Variants in SLC24A3 observed in about 807,000 individuals in gnomAD.
SLC24A3 encodes sodium/potassium/calcium exchanger 3.
Under a neutral mutation model 75.8 loss-of-function variants are expected in SLC24A3, and 28 were observed. The observed-to-expected ratio is 0.37, with a 90% CI of 0.27 to 0.51. The LOEUF is 0.51. SLC24A3 is among the 20% of genes least tolerant of loss of function. The pLI, the probability that SLC24A3 is intolerant of heterozygous loss-of-function variation, is 0.94. For synonymous variants in SLC24A3, 372 were observed against 334.1 expected, an observed-to-expected ratio of 1.11 and a Z score of -1.24; for missense variants, 663 against 847.8, an observed-to-expected ratio of 0.78 and a Z score of 2.71.
intron 2 of SLC24A3, among the ~76,000 whole-genome samples, chr20:19,489,452 G>C (rs1422245615): frequency 6.6e-6 from 1 of 152,138 alleles, no homozygotes; most frequent in Admixed American, 6.5e-5. Context: ...ATTTGAAGTA[G>C]GCTTTGTTTA....
At chr20:19,224,123 T>A (rs6081540) in intron 1 of SLC24A3, among the ~76,000 whole-genome samples, 2 of 22,372 alleles carry the variant, frequency 8.9e-5, no homozygotes, top group Non-Finnish European at 2.4e-4. Flanking sequence ...AGTGTGTGAG[T>A]GTGTGTGTGT....
intron 2 of SLC24A3, among the ~76,000 whole-genome samples, chr20:19,507,821 A>G (rs1370360239): frequency 2.0e-5 from 3 of 152,188 alleles, no homozygotes; most frequent in African/African-American, 7.2e-5. Flanking sequence ...TTCTCAGCCA[A>G]TAATTCTGTC....
rs1016391549 is a variant in SLC24A3 at position 19,682,254 on chromosome 20, CA to C, written c.901+272del. On this transcript the variant is annotated intron_variant, in intron 10 of 16. Coordinates refer to ENST00000328041, the MANE Select transcript of SLC24A3 (RefSeq NM_020689.4). ...AGGACAACAGAGCCAGACCCTATTTCAAAAAAAAATAAAAGAAAGAAAGAAA... is the reference window on the plus strand; with the variant it reads ...AGGACAACAGAGCCAGACCCTATTTCAAAAAAAATAAAAGAAAGAAAGAAA... Among the ~76,000 whole-genome samples the C allele has an allele frequency of 3.5e-3, 525 of 149,938 alleles. 5 individuals carry two copies. Among genetic ancestry groups the C allele is most frequent in the African/African-American group, 0.012 (484 of 40,856 alleles).
chr20:19,516,138 A>G (rs1280961537), intron 3 of SLC24A3, among the ~76,000 whole-genome samples: 2 of 152,208 alleles, frequency 1.3e-5, no homozygotes, highest in Non-Finnish European at 2.9e-5. Context: ...CACATAGAAG[A>G]TGAACAAGAA....
chr20:19,671,646 TG>T (rs1259382539), intron 8 of SLC24A3, among the ~76,000 whole-genome samples: 4 of 103,400 alleles, frequency 3.9e-5, no homozygotes, highest in African/African-American at 1.2e-4. Context: ...GTTTTTTTTT[TG>T]TTTTTTTGTT....
chr20:19,664,773 C>G (rs2032377792), intron 7 of SLC24A3, among the ~76,000 whole-genome samples: 1 of 152,212 alleles, frequency 6.6e-6, no homozygotes. Context: ...AGTTGTCCTT[C>G]AGGAGTTTGA....
intron 6 of SLC24A3, among the ~76,000 whole-genome samples, chr20:19,608,320 C>G (rs1453588835): frequency 6.6e-6 from 1 of 152,168 alleles, no homozygotes; most frequent in Non-Finnish European, 1.5e-5. Flanking sequence ...ACACAGATGA[C>G]TGTTAATTAG....
At chr20:19,382,323 G>C (rs918173559) in intron 2 of SLC24A3, among the ~76,000 whole-genome samples, 1 of 152,096 alleles carries the variant, frequency 6.6e-6, no homozygotes, top group South Asian at 2.1e-4. Flanking sequence ...TTAGAGACTC[G>C]ATTACTGTTG....
intron 3 of SLC24A3, among the ~76,000 whole-genome samples, chr20:19,518,771 C>T (rs755976335): frequency 3.0e-4 from 46 of 152,344 alleles, no homozygotes; most frequent in Middle Eastern, 6.8e-3. Flanking sequence ...GCTCAGGCTT[C>T]GCCCGAAGTG....
At chr20:19,682,190 C>T (rs1174326549) in intron 10 of SLC24A3, among the ~76,000 whole-genome samples, 199 bp downstream of exon 10, 3 of 152,026 alleles carry the variant, frequency 2.0e-5, no homozygotes, top group Non-Finnish European at 4.4e-5. Context: ...AGGAGGCAGA[C>T]GTTGCAGTGA....
intron 6 of SLC24A3, among the ~76,000 whole-genome samples, chr20:19,644,611 CTG>C (rs2032113594): frequency 6.6e-6 from 1 of 152,194 alleles, no homozygotes; most frequent in Admixed American, 6.5e-5. Context: ...TCCTGCAAAA[CTG>C]TAAATATAGC....
intron 8 of SLC24A3, among the ~76,000 whole-genome samples, chr20:19,673,226 C>T (rs1392236107): frequency 6.6e-6 from 1 of 152,178 alleles, no homozygotes; most frequent in Non-Finnish European, 1.5e-5. Flanking sequence ...CCGGCAATTC[C>T]TCTAATTTTA....
intron 1 of SLC24A3, among the ~76,000 whole-genome samples, chr20:19,236,114 A>G (rs187029520): frequency 6.6e-6 from 1 of 152,272 alleles, no homozygotes; most frequent in East Asian, 1.9e-4. Context: ...ATATAATTCA[A>G]CCAACTTTTA....
At chr20:19,515,715 T>A in intron 3 of SLC24A3, 151 bp downstream of exon 3, 2 of 706,934 alleles carry the variant, frequency 2.8e-6, no homozygotes, top group Non-Finnish European at 4.9e-6. Flanking sequence ...TAGGGGGCCA[T>A]CACCAAATGG....
intron 2 of SLC24A3, among the ~76,000 whole-genome samples, chr20:19,333,656 TGA>T (rs759336044): frequency 0.012 from 1,753 of 148,860 alleles, 17 homozygotes; most frequent in South Asian, 0.018. Context: ...TGTGTGTGTG[TGA>T]GAGTGTGTGT....
At chr20:19,498,801 T>TA in intron 2 of SLC24A3, among the ~76,000 whole-genome samples, 1 of 152,326 alleles carries the variant, frequency 6.6e-6, no homozygotes, top group Non-Finnish European at 1.5e-5. Flanking sequence ...TAAGACTGGT[T>TA]AAATCTTTGT....
At chr20:19,654,509 A>G (rs1039609079) in intron 7 of SLC24A3, among the ~76,000 whole-genome samples, 5 of 151,548 alleles carry the variant, frequency 3.3e-5, no homozygotes, top group African/African-American at 1.2e-4. Context: ...AGAGCCCATT[A>G]CCGTGGCCAC....
At chr20:19,666,814 T>C (rs1016171566) in intron 8 of SLC24A3, among the ~76,000 whole-genome samples, 5 of 152,244 alleles carry the variant, frequency 3.3e-5, no homozygotes, top group African/African-American at 1.2e-4. Context: ...ATTAAATATA[T>C]GGCAAGACAT....
chr20:19,308,134 A>G (rs1347241836), intron 2 of SLC24A3, among the ~76,000 whole-genome samples: 1 of 152,228 alleles, frequency 6.6e-6, no homozygotes, highest in East Asian at 1.9e-4. Flanking sequence ...TATTCCCTTC[A>G]ACCTGGCCAT....
Sources: gnomAD v4.1 joint callset for allele counts (sites outside exome capture counted in the v4.1 genomes callset) on GRCh38, gnomAD v4.1.1 for gene constraint, MANE v1.5 for transcripts, NCBI Gene and HGNC (gene_info 2026-07-23, HGNC 2026-07-21) for gene names.